Variants in MAST2 observed in about 807,000 individuals in gnomAD.
The protein encoded by MAST2 is microtubule associated serine/threonine kinase 2.
A neutral mutation model predicts 147.4 loss-of-function variants in MAST2; 70 were observed. The ratio of observed to expected loss-of-function variants is 0.47; its 90% CI spans 0.39 to 0.58. The LOEUF (loss-of-function observed/expected upper bound fraction) is 0.58. MAST2 is among the 20% of genes least tolerant of loss of function. The probability of loss-of-function intolerance (pLI) is 0.00; values close to 1 mark genes in which losing one functional copy is unlikely to be tolerated. For missense variants in MAST2, 2,080 were observed against 2,302.3 expected (o/e 0.90, Z 1.98); for synonymous variants, 869 against 896.8 (o/e 0.97, Z 0.55).
chr1:45,972,404 C>T (rs4076006), intron 5 of MAST2, among the ~76,000 whole-genome samples: 67,890 of 152,040 alleles, frequency 0.45, 15,347 homozygotes, highest in East Asian at 0.63. Flanking sequence ...AAAGTTTCTG[C>T]TAATAAGGAA....
At chr1:45,843,495 T>C (rs1645339090) in intron 3 of MAST2, among the ~76,000 whole-genome samples, 1 of 152,216 alleles carries the variant, frequency 6.6e-6, no homozygotes, top group Non-Finnish European at 1.5e-5. Flanking sequence ...TATCACTTTT[T>C]AGGTATCCTT....
chr1:46,020,325 C>T (rs988805588), intron 11 of MAST2, among the ~76,000 whole-genome samples: 5 of 151,946 alleles, frequency 3.3e-5, no homozygotes, highest in South Asian at 4.2e-4. Context: ...TTTCCCAGAT[C>T]GGGAGCATGG....
At chr1:45,862,302 A>G (rs1489801759) in intron 3 of MAST2, among the ~76,000 whole-genome samples, 3 of 152,124 alleles carry the variant, frequency 2.0e-5, no homozygotes, top group Non-Finnish European at 2.9e-5. Context: ...GTTTATCCAC[A>G]AAGGATTTGA....
chr1:45,892,545 A>G (rs1647997704), intron 4 of MAST2, among the ~76,000 whole-genome samples: 1 of 152,218 alleles, frequency 6.6e-6, no homozygotes, highest in African/African-American at 2.4e-5. Context: ...ATTCTGACTC[A>G]TTCCACTGGA....
At chr1:46,022,556 G>A (rs919694518) in intron 12 of MAST2, among the ~76,000 whole-genome samples, 2 of 150,802 alleles carry the variant, frequency 1.3e-5, no homozygotes, top group Non-Finnish European at 3.0e-5. Flanking sequence ...TCCTGCTCCT[G>A]CCTTCTGTGC....
intron 2 of MAST2, among the ~76,000 whole-genome samples, chr1:45,827,429 T>C (rs577808250): frequency 6.6e-6 from 1 of 152,296 alleles, no homozygotes; most frequent in African/African-American, 2.4e-5. Context: ...ATAGGTTTCT[T>C]CTACAGTGTG....
chr1:45,831,987 C>T (rs1045170732), intron 3 of MAST2, among the ~76,000 whole-genome samples: 10 of 152,004 alleles, frequency 6.6e-5, no homozygotes, highest in African/African-American at 2.2e-4. Context: ...ACCATGTTGG[C>T]CAGGCTGATC....
chr1:45,849,070 A>C (rs1645536953), intron 3 of MAST2, among the ~76,000 whole-genome samples: 1 of 152,246 alleles, frequency 6.6e-6, no homozygotes, highest in Non-Finnish European at 1.5e-5. Flanking sequence ...ACACTGCTCA[A>C]GGAAATCAGA....
chr1:45,949,442 T>G (rs1195185574), intron 4 of MAST2, among the ~76,000 whole-genome samples: 1 of 152,130 alleles, frequency 6.6e-6, no homozygotes, highest in East Asian at 1.9e-4. Flanking sequence ...AAGGCATACA[T>G]GCGACCAACA....
chr1:45,943,547 G>T (rs1288128982), intron 4 of MAST2, among the ~76,000 whole-genome samples: 1 of 152,130 alleles, frequency 6.6e-6, no homozygotes, highest in African/African-American at 2.4e-5. Flanking sequence ...AGTACTTGAA[G>T]ATCAAAAAGC....
At chr1:45,832,193 A>AAAAC (rs572061799) in intron 3 of MAST2, among the ~76,000 whole-genome samples, 14 of 152,216 alleles carry the variant, frequency 9.2e-5, no homozygotes, top group South Asian at 2.1e-4. Context: ...TCTGGAACCT[A>AAAAC]AAACAAACAA....
At chr1:46,034,020 A>C (rs1489682971) in intron 27 of MAST2, 53 bp from the exon 28 acceptor site, 1 of 1,605,990 alleles carries the variant, frequency 6.2e-7, no homozygotes, top group East Asian at 2.2e-5. Context: ...CTGGGGGTCC[A>C]GTGTGTGCTG....
rs140892810 is a variant in MAST2 at position 45,922,363 on chromosome 1, G to T, written c.501-37023G>T. ...CCACCCAGGAGCCTGTCTGCCTCCTGCTGCTGTTCATGGTGACCAGGCTGT... is the reference window on the plus strand; with the variant it reads ...CCACCCAGGAGCCTGTCTGCCTCCTTCTGCTGTTCATGGTGACCAGGCTGT... On this transcript the variant is annotated intron_variant, in intron 4 of 28. Coordinates refer to ENST00000361297, the MANE Select transcript of MAST2 (RefSeq NM_015112.3). 7.1e-4 allele frequency among the ~76,000 whole-genome samples: 108 copies of T among 152,352 alleles called. 1 individual carries two copies. Among genetic ancestry groups the T allele is most frequent in the Non-Finnish European group, 1.1e-3 (78 of 68,026 alleles).
intron 5 of MAST2, among the ~76,000 whole-genome samples, chr1:45,963,213 G>A (rs1385507004): frequency 1.3e-5 from 2 of 152,136 alleles, no homozygotes; most frequent in African/African-American, 2.4e-5. Context: ...CTCCAGCTTT[G>A]TTCTTTTGGC....
At chr1:46,014,365 C>T (rs1368737039) in intron 10 of MAST2, among the ~76,000 whole-genome samples, 2 of 139,246 alleles carry the variant, frequency 1.4e-5, no homozygotes, top group Non-Finnish European at 3.1e-5. Context: ...GTGATGTTCC[C>T]CTTCCTGTGT....
At chr1:46,025,542 T>C in intron 15 of MAST2, 135 bp from the exon 16 acceptor site, 1 of 1,051,830 alleles carries the variant, frequency 9.5e-7, no homozygotes, top group Non-Finnish European at 1.4e-6. Flanking sequence ...GCAAAGGGGC[T>C]AGAATCAGAG....
intron 4 of MAST2, among the ~76,000 whole-genome samples, chr1:45,928,125 T>C (rs951863912): frequency 6.6e-6 from 1 of 152,224 alleles, no homozygotes; most frequent in Non-Finnish European, 1.5e-5. Flanking sequence ...TCATACTACA[T>C]CCCCAGTATC....
intron 7 of MAST2, among the ~76,000 whole-genome samples, chr1:46,003,443 A>G (rs751033238): frequency 7.2e-5 from 11 of 152,110 alleles, no homozygotes; most frequent in Non-Finnish European, 1.0e-4. Flanking sequence ...AATTGCTGCT[A>G]TGCACAATTG....
At chr1:45,994,776 C>G (rs1366376341) in intron 5 of MAST2, among the ~76,000 whole-genome samples, 1 of 152,040 alleles carries the variant, frequency 6.6e-6, no homozygotes, top group Admixed American at 6.6e-5. Flanking sequence ...CAGTCAAATT[C>G]TTTACTACAC....
Sources: allele counts gnomAD v4.1 joint callset (sites outside exome capture counted in the v4.1 genomes callset), GRCh38; gene constraint gnomAD v4.1.1; transcripts MANE v1.5; gene names NCBI Gene and HGNC (gene_info 2026-07-23, HGNC 2026-07-21).